Variants in MPPED2 observed in about 807,000 individuals in gnomAD.
The protein encoded by MPPED2 is metallophosphoesterase MPPED2.
A neutral mutation model predicts 33.0 loss-of-function variants in MPPED2; 5 were observed. That is an observed-to-expected ratio of 0.15 (90% confidence interval 0.08 to 0.32). The LOEUF (loss-of-function observed/expected upper bound fraction) is 0.32. Among genes scored for constraint, MPPED2 ranks in the 10% least tolerant of loss-of-function variants. The probability of loss-of-function intolerance (pLI) is 1.00; values close to 1 mark genes in which losing one functional copy is unlikely to be tolerated. For missense variants in MPPED2, 275 were observed against 372.1 expected, an observed-to-expected ratio of 0.74 and a Z score of 2.15; for synonymous variants, 136 against 141.9, an observed-to-expected ratio of 0.96 and a Z score of 0.29.
At chr11:30,567,584 C>T (rs368318803) in intron 2 of MPPED2, among the ~76,000 whole-genome samples, 48 of 152,246 alleles carry the variant, frequency 3.2e-4, no homozygotes, top group African/African-American at 1.1e-3. Flanking sequence ...ATTGGCTACA[C>T]GTCTTAATCC....
downstream of MPPED2, among the ~76,000 whole-genome samples, chr11:30,405,727 T>A (rs1342199157): frequency 6.6e-6 from 1 of 152,210 alleles, no homozygotes; most frequent in Non-Finnish European, 1.5e-5. Flanking sequence ...CATCAGAAAA[T>A]AATATACATT....
At chr11:30,544,866 G>C (rs1955324805) in intron 2 of MPPED2, among the ~76,000 whole-genome samples, 1 of 152,170 alleles carries the variant, frequency 6.6e-6, no homozygotes, top group Admixed American at 6.5e-5. Flanking sequence ...ACTATTAGGA[G>C]CTCAGAAAAA....
At chr11:30,512,688 C>A (rs1421309352) in intron 3 of MPPED2, among the ~76,000 whole-genome samples, 1 of 152,096 alleles carries the variant, frequency 6.6e-6, no homozygotes, top group Non-Finnish European at 1.5e-5. Flanking sequence ...TTTGATCTTC[C>A]AAATTATGTA....
chr11:30,583,304 C>T (rs1957280277), intron 1 of MPPED2, among the ~76,000 whole-genome samples: 1 of 151,918 alleles, frequency 6.6e-6, no homozygotes, highest in African/African-American at 2.4e-5. Context: ...GTAAAACCTT[C>T]CAAATGATCA....
intron 4 of MPPED2, among the ~76,000 whole-genome samples, chr11:30,424,137 C>A (rs972591429): frequency 5.3e-5 from 8 of 152,194 alleles, no homozygotes; most frequent in African/African-American, 1.7e-4. Context: ...GGCTGCTTAG[C>A]CAGCTAGTAC....
chr11:30,416,962 G>C (rs374315486), intron 5 of MPPED2, among the ~76,000 whole-genome samples: 19 of 152,194 alleles, frequency 1.2e-4, no homozygotes, highest in East Asian at 9.6e-4. Flanking sequence ...CAGCCTCCAT[G>C]TGCCTGTAGG....
intron 3 of MPPED2, among the ~76,000 whole-genome samples, chr11:30,531,886 G>A (rs1349314340): frequency 2.0e-5 from 3 of 152,180 alleles, no homozygotes; most frequent in African/African-American, 4.8e-5. Flanking sequence ...GCAGTTATTC[G>A]AAGAACCATG....
At chr11:30,493,831 C>T (rs1952107173) in intron 4 of MPPED2, among the ~76,000 whole-genome samples, 1 of 152,178 alleles carries the variant, frequency 6.6e-6, no homozygotes, top group South Asian at 2.1e-4. Flanking sequence ...TATCATAACC[C>T]TCTAAAATAG....
intron 4 of MPPED2, among the ~76,000 whole-genome samples, chr11:30,467,621 C>T (rs995479885): frequency 2.0e-5 from 3 of 152,164 alleles, no homozygotes; most frequent in African/African-American, 4.8e-5. Flanking sequence ...CGAGTGAACC[C>T]CCATTACAAG....
intron 2 of MPPED2, among the ~76,000 whole-genome samples, chr11:30,553,046 A>AAGAGC (rs1169058359): frequency 6.6e-6 from 1 of 152,112 alleles, no homozygotes; most frequent in Non-Finnish European, 1.5e-5. Flanking sequence ...GAGCACAGGG[A>AAGAGC]AGAGCACAAA....
At chr11:30,569,708 A>G (rs1956609016) in intron 2 of MPPED2, among the ~76,000 whole-genome samples, 1 of 152,208 alleles carries the variant, frequency 6.6e-6, no homozygotes, top group Non-Finnish European at 1.5e-5. Flanking sequence ...CAAGCCTAAA[A>G]GTTTTGAATT....
chr11:30,564,275 A>G (rs1735591741), intron 2 of MPPED2, among the ~76,000 whole-genome samples: 1 of 152,118 alleles, frequency 6.6e-6, no homozygotes, highest in African/African-American at 2.4e-5. Context: ...ATAGGCTTAT[A>G]AATTCAGGCT....
chr11:30,575,115 G>A (rs894507663), intron 2 of MPPED2, among the ~76,000 whole-genome samples: 1 of 151,974 alleles, frequency 6.6e-6, no homozygotes, highest in South Asian at 2.1e-4. Flanking sequence ...ACAAAATCTT[G>A]TAGTACTTTG....
At chr11:30,585,356 A>G (rs1490046379) in intron 1 of MPPED2, among the ~76,000 whole-genome samples, 2 of 151,768 alleles carry the variant, frequency 1.3e-5, no homozygotes, top group African/African-American at 2.4e-5. Context: ...ACGGGGTGAG[A>G]AAGAGCCCCG....
chr11:30,451,898 T>G, intron 4 of MPPED2: 2 of 985,332 alleles, frequency 2.0e-6, no homozygotes, highest in Non-Finnish European at 2.4e-6. Flanking sequence ...TCAATGCAAT[T>G]GTGGGCAAGT....
chr11:30,536,632 C>T (rs992567871), intron 2 of MPPED2, among the ~76,000 whole-genome samples: 1 of 152,162 alleles, frequency 6.6e-6, no homozygotes, highest in South Asian at 2.1e-4. Context: ...AGAGAGCAGT[C>T]TGCACATGCT....
In MPPED2 at chr11:30,414,327, C is replaced by A. The variant is rs750434918; in HGVS notation, c.667G>T (p.Val223Phe). The change falls in exon 6 of 7, where the codon GTT becomes TTT. Residue 223 changes from valine to phenylalanine, a missense_variant. Physicochemically the swap from Val to Phe is conservative, Grantham distance 50 (BLOSUM62 -1). Coordinates refer to ENST00000358117, the MANE Select transcript of MPPED2 (RefSeq NM_001584.3). Reference sequence around the variant, plus strand: ...CCCACTCTTTGAAGCTCCTTTGGAACCCAGTCTCGAAAACCTAAGGGCAAA... The same window carrying A: ...CCCACTCTTTGAAGCTCCTTTGGAAACCAGTCTCGAAAACCTAAGGGCAAA... ...HGPPLGFRDW[V>F]PKELQRVGCV... The A allele has an allele frequency of 6.2e-7, 1 of 1,613,436 alleles. No individual in the cohort carries two copies.
In MPPED2 at chr11:30,401,388, C is replaced by T. The variant is rs371083203; in HGVS notation, c.767-12432G>A. ...CCAGCACAGGAGGGCCTTATGATATCATTTACCTGTTGCATGGCTGAGAAG... is the reference window on the plus strand; with the variant it reads ...CCAGCACAGGAGGGCCTTATGATATTATTTACCTGTTGCATGGCTGAGAAG... On this transcript the variant is annotated intron_variant, in intron 6 of 6. Transcript: ENST00000448418. 5.9e-4 allele frequency among the ~76,000 whole-genome samples: 90 copies of T among 152,284 alleles called. 1 individual carries two copies. Among genetic ancestry groups the T allele is most frequent in the Admixed American group, 5.0e-3 (77 of 15,304 alleles).
chr11:30,447,036 T>A (rs1000260746), intron 4 of MPPED2, among the ~76,000 whole-genome samples: 1 of 152,130 alleles, frequency 6.6e-6, no homozygotes, highest in Non-Finnish European at 1.5e-5. Context: ...CAAAAGGTGA[T>A]TTTATTTGAT....
Sources: allele counts gnomAD v4.1 joint callset (sites outside exome capture counted in the v4.1 genomes callset), GRCh38; gene constraint gnomAD v4.1.1; transcripts MANE v1.5; gene names NCBI Gene and HGNC (gene_info 2026-07-23, HGNC 2026-07-21).